ZNF106: variants seen among roughly 807,000 people sequenced by gnomAD.
ZNF106 encodes the protein SH3-domain binding protein 3.
ZNF106 carries 67 observed loss-of-function variants against 195.1 expected under a neutral mutation model. The observed-to-expected ratio is 0.34, with a 90% confidence interval of 0.28 to 0.42. The LOEUF is 0.42. ZNF106 is among the 10% of genes least tolerant of loss of function. ZNF106 has a pLI of 1.00. For missense variants in ZNF106, 2,118 were observed against 2,304.5 expected, an observed-to-expected ratio of 0.92 and a Z score of 1.66; for synonymous variants, 784 against 818.6, an observed-to-expected ratio of 0.96 and a Z score of 0.72.
chr15:42,420,431 T>G (rs951101937), intron 20 of ZNF106, among the ~76,000 whole-genome samples: 1 of 151,930 alleles, frequency 6.6e-6, no homozygotes, highest in Non-Finnish European at 1.5e-5. Flanking sequence ...ACTGAGAAAA[T>G]TAAAAAGCAA....
rs911028079 is a variant in ZNF106 at position 42,414,273 on chromosome 15, A to G, written c.*3031T>C. The G allele has an allele frequency of 6.6e-6, 1 of 152,258 alleles. No individual in the cohort carries two copies. Among genetic ancestry groups the G allele is most frequent in the Non-Finnish European group, 1.5e-5 (1 of 68,050 alleles). The allele number at this position is 152,258 out of a possible 1,614,324, so 9.4% of individuals were successfully genotyped here. A position where few individuals can be genotyped will look rare whatever the true frequency, so the allele number is the denominator to read the frequency against. ...TTAAAAAAAGAAGGCAAAGTTCTGT[A>G]TAATTTTCAAGACTCTTGTAAGTAG... On this transcript the variant is annotated 3_prime_UTR_variant, in exon 22 of 22. Coordinates refer to ENST00000564754, the MANE Select transcript of ZNF106 (RefSeq NM_001366845.3).
At chr15:42,483,516 A>G (rs1403008897) in intron 1 of ZNF106, among the ~76,000 whole-genome samples, 1 of 152,186 alleles carries the variant, frequency 6.6e-6, no homozygotes, top group Non-Finnish European at 1.5e-5. Context: ...CGGTGCCTCC[A>G]TCTAAACATA....
chr15:42,435,295 G>A, intron 14 of ZNF106, 89 bp downstream of exon 14: 1 of 1,547,830 alleles, frequency 6.5e-7, no homozygotes, highest in Non-Finnish European at 8.8e-7. Context: ...TGGGTAGAAT[G>A]AAGCGTCTGC....
chr15:42,436,886 C>T (rs2055291365), intron 13 of ZNF106, among the ~76,000 whole-genome samples: 1 of 152,202 alleles, frequency 6.6e-6, no homozygotes, highest in African/African-American at 2.4e-5. Flanking sequence ...ATCCCAACCC[C>T]CTTTGCCACA....
chr15:42,472,319 C>T lies in ZNF106; in HGVS notation c.-30G>A. On this transcript the variant is annotated splice_region_variant and 5_prime_UTR_variant, in exon 2 of 22. In the 5' UTR this introduces an upstream ATG that the reference lacks. Coordinates refer to ENST00000564754, the MANE Select transcript of ZNF106 (RefSeq NM_001366845.3). Reference sequence around the variant, plus strand: ...ACCAGATCTGAAGCACTCAACGTCACAGCTGCAATGAGGAAGTAACATTTA... The same window carrying T: ...ACCAGATCTGAAGCACTCAACGTCATAGCTGCAATGAGGAAGTAACATTTA... 1 of 1,532,174 alleles carries T rather than the reference C, an allele frequency of 6.5e-7. No homozygotes were observed. Among genetic ancestry groups the T allele is most frequent in the South Asian group, 1.2e-5 (1 of 83,180 alleles). The allele number at this position is 1,532,174 out of a possible 1,614,324, so 94.9% of individuals were successfully genotyped here.
At chr15:42,431,441 G>A (rs2055045004) in intron 14 of ZNF106, among the ~76,000 whole-genome samples, 1 of 148,410 alleles carries the variant, frequency 6.7e-6, no homozygotes, top group Non-Finnish European at 1.5e-5. Flanking sequence ...TGCCCAGGCT[G>A]GAGTACAGTG....
intron 2 of ZNF106, among the ~76,000 whole-genome samples, chr15:42,470,959 G>GAA (rs910516983): frequency 6.6e-6 from 1 of 150,896 alleles, no homozygotes; most frequent in African/African-American, 2.4e-5. Context: ...AATCTAGATA[G>GAA]AAAAAAAAAT....
In ZNF106 at chr15:42,413,450, C is replaced by T. The variant is rs1190215702; in HGVS notation, c.*3854G>A. ...AACAGAAACAAAATTTAGATGTAAGCATAAACTGCAGTTATTTGAGCAAAC... is the reference window on the plus strand; with the variant it reads ...AACAGAAACAAAATTTAGATGTAAGTATAAACTGCAGTTATTTGAGCAAAC... On this transcript the variant is annotated 3_prime_UTR_variant, in exon 22 of 22. Coordinates refer to ENST00000564754, the MANE Select transcript of ZNF106 (RefSeq NM_001366845.3). 3.3e-5 allele frequency: 5 copies of T among 152,500 alleles called. No individual in the cohort carries two copies. Among genetic ancestry groups the T allele is most frequent in the African/African-American group, 1.2e-4 (5 of 41,420 alleles). 9.4% of individuals were successfully genotyped at this position (152,500 alleles called of 1,614,324 possible).
chr15:42,488,431 A>G (rs1253161004), intron 1 of ZNF106, among the ~76,000 whole-genome samples: 1 of 152,142 alleles, frequency 6.6e-6, no homozygotes, highest in Non-Finnish European at 1.5e-5. Flanking sequence ...TTTCAGATTA[A>G]AACATGCACA....
chr15:42,468,737 G>A (rs1442135271), intron 2 of ZNF106, among the ~76,000 whole-genome samples: 8 of 150,694 alleles, frequency 5.3e-5, no homozygotes, highest in Non-Finnish European at 1.0e-4. Context: ...GCAAGACTCC[G>A]TCTCAAAAAA....
chr15:42,467,590 C>T (rs1444029353), intron 2 of ZNF106, among the ~76,000 whole-genome samples: 1 of 150,584 alleles, frequency 6.6e-6, no homozygotes, highest in Non-Finnish European at 1.5e-5. Flanking sequence ...GAGTTTGAGA[C>T]CAGCCTAGCT....
chr15:42,450,150 A>T lies in ZNF106; in HGVS notation c.2122T>A (p.Ser708Thr), dbSNP rs1325307865. ...EDAQVDDSIK[S>T]HVSYETEGFE... The stretch of plus-strand genomic sequence containing the variant: ...CCTTCTGTTTCATAAGATACATGAG[A>T]TTTAATAGAGTCATCAACCTGTGCA... Residue 708 changes from serine to threonine, a missense_variant, in exon 5 of 22, where the codon TCT becomes ACT. Transcript: ENST00000564754. The T allele has an allele frequency of 1.2e-6, 2 of 1,614,158 alleles. No individual in the cohort carries two copies.
intron 4 of ZNF106, among the ~76,000 whole-genome samples, chr15:42,455,566 TTTG>T (rs1319800121): frequency 6.6e-6 from 1 of 152,180 alleles, no homozygotes; most frequent in Non-Finnish European, 1.5e-5. Flanking sequence ...ATTTTAATTT[TTTG>T]TTGTTGTTAT....
In ZNF106 at chr15:42,450,843, G is replaced by C. The variant is rs1008378787; in HGVS notation, c.1429C>G (p.Leu477Val). 1.2e-6 allele frequency: 2 copies of C among 1,614,202 alleles called. No individual in the cohort carries two copies. Among genetic ancestry groups the C allele is most frequent in the Non-Finnish European group, 8.5e-7 (1 of 1,180,028 alleles). The part of the protein sequence containing the change: ...PNKMPSLKSP[L>V]LPCPATKSLS... ...GATTTAGTGGCTGGACATGGAAGGAGTGGGGATTTCAATGATGGCATTTTA... is the reference window on the plus strand; with the variant it reads ...GATTTAGTGGCTGGACATGGAAGGACTGGGGATTTCAATGATGGCATTTTA... Residue 477 changes from leucine (L) to valine (V), a missense_variant, in exon 5 of 22, where the codon CTC becomes GTC. Transcript: ENST00000564754.
intron 1 of ZNF106, among the ~76,000 whole-genome samples, chr15:42,482,619 C>G (rs555876380): frequency 2.4e-4 from 36 of 149,968 alleles, no homozygotes; most frequent in Non-Finnish European, 1.8e-4. Context: ...AGCTCCTCCT[C>G]CCGGGTTCAA....
intron 13 of ZNF106, 121 bp from the exon 14 acceptor site, chr15:42,435,639 A>G: frequency 8.3e-7 from 1 of 1,198,344 alleles, no homozygotes; most frequent in South Asian, 1.4e-5. Flanking sequence ...TGTCTAAAAC[A>G]GCACCTGGTA....
intron 6 of ZNF106, 58 bp from the exon 7 acceptor site, chr15:42,446,716 G>A (rs1285527945): frequency 1.4e-6 from 2 of 1,387,078 alleles, no homozygotes; most frequent in Non-Finnish European, 2.0e-6. Flanking sequence ...TATCCAAGAG[G>A]AGAAAAAGGA....
Position 42,450,038 on chromosome 15 carries a change from A to G in ZNF106, c.2234T>C (p.Leu745Pro). ...SGPLLPELSK[L>P]GFPASLQRDL... ...CCTCTGAAGTGAGGCAGGAAAGCCA[A>G]GCTTACTTAGTTCAGGCAGGAGAGG... Residue 745 changes from leucine to proline, a missense_variant, in exon 5 of 22, where the codon CTT becomes CCT. Leu to Pro is a moderately conservative substitution (Grantham distance 98). Transcript: ENST00000564754. The G allele has an allele frequency of 1.2e-6, 2 of 1,614,210 alleles. No homozygotes were observed. The highest frequency in any genetic ancestry group is 1.1e-5 in the South Asian group (1 of 91,084).
intron 20 of ZNF106, among the ~76,000 whole-genome samples, chr15:42,419,843 G>A (rs2054594103): frequency 6.6e-6 from 1 of 151,896 alleles, no homozygotes; most frequent in Non-Finnish European, 1.5e-5. Flanking sequence ...CCAGCTACTA[G>A]GGAGGCTGAG....
Sources: allele counts gnomAD v4.1 joint callset (sites outside exome capture counted in the v4.1 genomes callset), GRCh38; gene constraint gnomAD v4.1.1; transcripts MANE v1.5; gene names NCBI Gene and HGNC (gene_info 2026-07-23, HGNC 2026-07-21).